Variants in GLIS3 observed in about 807,000 individuals in gnomAD.
GLIS3 encodes the protein GLIS family zinc finger 3.
A neutral mutation model predicts 78.6 loss-of-function variants in GLIS3; 53 were observed. The observed-to-expected ratio is 0.67, with a 90% CI of 0.54 to 0.85. The LOEUF is 0.85. Ranked by LOEUF, GLIS3 falls within the 40% of genes least tolerant of loss-of-function variation. GLIS3 has a pLI of 0.00. For synonymous variants in GLIS3, 684 were observed against 509.9 expected (o/e 1.34, Z -4.60); for missense variants, 1,703 against 1,231.1 (o/e 1.38, Z -5.74).
At chr9:3,991,964 A>G (rs1372648245) in intron 4 of GLIS3, among the ~76,000 whole-genome samples, 1 of 152,178 alleles carries the variant, frequency 6.6e-6, no homozygotes, top group East Asian at 1.9e-4. Context: ...TGCTGGGATT[A>G]CAGGCATGAG....
At chr9:4,206,953 T>C (rs1321476196) in intron 2 of GLIS3, among the ~76,000 whole-genome samples, 5 of 152,194 alleles carry the variant, frequency 3.3e-5, no homozygotes, top group East Asian at 1.9e-4. Flanking sequence ...AATATCCTTA[T>C]TTGGACATTC....
At chr9:4,238,530 C>T (rs1822994159) in intron 2 of GLIS3, among the ~76,000 whole-genome samples, 1 of 152,182 alleles carries the variant, frequency 6.6e-6, no homozygotes, top group Non-Finnish European at 1.5e-5. Flanking sequence ...GTGCTAAAAC[C>T]ACCGTGGCTA....
chr9:4,416,012 T>A, the GLIS3 span, among the ~76,000 whole-genome samples: 1 of 150,294 alleles, frequency 6.7e-6, no homozygotes, highest in Non-Finnish European at 1.5e-5. Context: ...TATATGTAAA[T>A]ATATAGATGT....
At chr9:4,108,346 C>T (rs1248380780) in intron 4 of GLIS3, among the ~76,000 whole-genome samples, 9 of 152,110 alleles carry the variant, frequency 5.9e-5, no homozygotes, top group Admixed American at 1.3e-4. Flanking sequence ...AAAAGCAAGC[C>T]TCAATTCGAT....
rs546914380 is a variant in GLIS3 at position 4,278,956 on chromosome 9, A to C, written c.388+7082T>G. Among the ~76,000 whole-genome samples, 86 of 152,312 alleles carry C rather than the reference A, an allele frequency of 5.6e-4. 1 individual carries two copies. The highest frequency in any genetic ancestry group is 2.0e-3 in the African/African-American group (84 of 41,556). On this transcript the variant is annotated intron_variant, in intron 2 of 10. Transcript: ENST00000381971. ...TTAACCTGAATCCAATCATGAAGAAATTATCAGACAAACCAGAGTGTGGAA... is the reference window on the plus strand; with the variant it reads ...TTAACCTGAATCCAATCATGAAGAACTTATCAGACAAACCAGAGTGTGGAA...
chr9:4,166,496 T>C (rs577699543), intron 2 of GLIS3, among the ~76,000 whole-genome samples: 3 of 152,308 alleles, frequency 2.0e-5, no homozygotes, highest in South Asian at 4.1e-4. Context: ...AAAATAACCA[T>C]TCTTACAGCA....
intron 4 of GLIS3, among the ~76,000 whole-genome samples, chr9:4,084,870 G>A (rs1828890609): frequency 6.6e-6 from 1 of 151,728 alleles, no homozygotes; most frequent in South Asian, 2.1e-4. Context: ...AAAATGCTTG[G>A]CATTGTGTTC....
the GLIS3 span, among the ~76,000 whole-genome samples, chr9:4,414,545 G>C: frequency 1.3e-5 from 2 of 152,076 alleles, no homozygotes; most frequent in Non-Finnish European, 2.9e-5. Flanking sequence ...ATATAATGCT[G>C]GTGGATAGCT....
intron 2 of GLIS3, among the ~76,000 whole-genome samples, chr9:4,236,184 C>CAAAAAAAAAAAAAAA (rs59839951): frequency 1.5e-4 from 13 of 84,296 alleles, no homozygotes; most frequent in South Asian, 4.9e-4. Context: ...GTGGTTGTCA[C>CAAAAAAAAAAAAAAA]AAAAAAAAAA....
At chr9:3,964,326 T>G (rs1817770869) in intron 4 of GLIS3, among the ~76,000 whole-genome samples, 1 of 152,200 alleles carries the variant, frequency 6.6e-6, no homozygotes, top group South Asian at 2.1e-4. Context: ...AAGTTATGTT[T>G]CAATGAAAAA....
chr9:4,276,802 G>A (rs1169878871), intron 2 of GLIS3, among the ~76,000 whole-genome samples: 2 of 152,036 alleles, frequency 1.3e-5, no homozygotes, highest in Non-Finnish European at 2.9e-5. Context: ...ATACAAACTG[G>A]ACCCTGTGTA....
intron 9 of GLIS3, among the ~76,000 whole-genome samples, chr9:3,848,822 G>A (rs1333906441): frequency 1.3e-5 from 2 of 152,200 alleles, no homozygotes; most frequent in Non-Finnish European, 2.9e-5. Context: ...GTTTCTTGTT[G>A]CAGTCAATTT....
At chr9:4,333,526 G>A (rs540759587) in intron 2 of GLIS3, among the ~76,000 whole-genome samples, 11 of 152,160 alleles carry the variant, frequency 7.2e-5, no homozygotes, top group Non-Finnish European at 1.0e-4. Context: ...ACAAGATCTT[G>A]CTCAATGACC....
rs144718805 is a variant in GLIS3, at chr9:4,118,826, G to C, written c.652C>G (p.Gln218Glu). ...ASTTLSLTES[Q>E]SASSMKQEWS... The stretch of plus-strand genomic sequence containing the variant: ...TCCTGCTTCATGCTTGAGGCCGACT[G>C]ACTTTCCGTCAGACTCAAGGTCGTG... The change falls in exon 4 of 11, where the codon CAG becomes GAG. Residue 218 changes from glutamine (Q) to glutamate (E), a missense_variant. Physicochemically the swap from Gln to Glu is conservative, Grantham distance 29. Transcript: ENST00000381971. This position sits in a 1 kb window ranked among gnomAD's most constrained non-coding sequence, Gnocchi z 4.7. 1.0e-5 allele frequency: 16 copies of C among 1,606,818 alleles called. No homozygotes were observed. The African/African-American group carries it at 2.1e-4, about 21-fold the overall frequency.
chr9:4,350,296 G>C (rs942672170), upstream of GLIS3, among the ~76,000 whole-genome samples: 5 of 152,196 alleles, frequency 3.3e-5, no homozygotes, highest in Non-Finnish European at 7.4e-5. Context: ...GAGGAACTGG[G>C]CACGTTTAAA....
At chr9:4,357,861 C>T in the GLIS3 span, among the ~76,000 whole-genome samples, 2 of 152,260 alleles carry the variant, frequency 1.3e-5, no homozygotes, top group Middle Eastern at 3.4e-3. Flanking sequence ...GTCAATGGTG[C>T]CTCTGAAGTG....
chr9:4,423,318 G>A, the GLIS3 span, among the ~76,000 whole-genome samples: 39 of 152,198 alleles, frequency 2.6e-4, no homozygotes, highest in East Asian at 6.6e-3. Context: ...ACGGAAGGGC[G>A]GCTATTTCCC....
chr9:4,434,711 C>T, the GLIS3 span, among the ~76,000 whole-genome samples: 1 of 152,152 alleles, frequency 6.6e-6, no homozygotes, highest in Non-Finnish European at 1.5e-5. Context: ...TACAGATCTC[C>T]AGTGTGTCTT....
rs1819744986 is a variant in GLIS3, at chr9:3,855,827, C to G, written c.2473+182G>C. 4.3e-6 allele frequency: 3 copies of G among 697,018 alleles called. No individual in the cohort carries two copies. The African/African-American group carries it at 5.3e-5, about 12-fold the overall frequency. 43.2% of individuals were successfully genotyped at this position (697,018 alleles called of 1,614,324 possible). ...GTCATAAATCATACCATCATCAGGCCAAAGTCAGGAAAATACCATAGGATT... is the reference window on the plus strand; with the variant it reads ...GTCATAAATCATACCATCATCAGGCGAAAGTCAGGAAAATACCATAGGATT... On this transcript the variant is annotated intron_variant, in intron 9 of 10. Transcript: ENST00000381971.
Sources: gnomAD v4.1 joint callset for allele counts (sites outside exome capture counted in the v4.1 genomes callset) on GRCh38, gnomAD v4.1.1 for gene constraint, Gnocchi (gnomAD v3.1) non-coding constraint, MANE v1.5 for transcripts, NCBI Gene and HGNC (gene_info 2026-07-23, HGNC 2026-07-21) for gene names.